PAXBP1: variants seen among roughly 807,000 people sequenced by gnomAD.
The protein encoded by PAXBP1 is PAX3- and PAX7-binding protein 1.
Under a neutral mutation model 119.9 loss-of-function variants are expected in PAXBP1, and 44 were observed. That is an observed-to-expected ratio of 0.37 (90% CI 0.29 to 0.47). The LOEUF is 0.47. Ranked by LOEUF, PAXBP1 falls within the 20% of genes least tolerant of loss-of-function variation. PAXBP1 has a pLI of 0.99. For missense variants in PAXBP1, 898 were observed against 1,134.1 expected (o/e 0.79, Z 2.99); for synonymous variants, 393 against 406.6 (o/e 0.97, Z 0.40).
intron 15 of PAXBP1, among the ~76,000 whole-genome samples, chr21:32,739,799 G>A (rs968279892): frequency 2.6e-5 from 4 of 151,674 alleles, no homozygotes; most frequent in Non-Finnish European, 4.4e-5. Flanking sequence ...CCAGCTACTC[G>A]GAAGGCTGAG....
chr21:32,764,406 C>G lies in PAXBP1; in HGVS notation c.591G>C (p.Lys197Asn). The G allele has an allele frequency of 6.2e-7, 1 of 1,613,840 alleles. No homozygotes were observed. Among genetic ancestry groups the G allele is most frequent in the Non-Finnish European group, 8.5e-7 (1 of 1,179,884 alleles). The change falls in exon 3 of 18, where the codon AAG becomes AAC. Residue 197 changes from lysine to asparagine, a missense_variant. Physicochemically the swap from Lys to Asn is moderately conservative, Grantham distance 94. This residue lies in a region of PAXBP1 where 299 missense variants were observed against 281.4 expected (regional missense o/e 1.06). Coordinates refer to ENST00000331923, the MANE Select transcript of PAXBP1 (RefSeq NM_016631.4). ...TTGAAAAAGCTCCACCAGTCTTTGGCTTTTCTTCCTCTTTTTCACTTTCCA... is the reference window on the plus strand; with the variant it reads ...TTGAAAAAGCTCCACCAGTCTTTGGGTTTTCTTCCTCTTTTTCACTTTCCA... Reference protein sequence around the residue: ...MDMESEKEEEKPKTGGAFSNA... With the variant: ...MDMESEKEEENPKTGGAFSNA...
At position 32,771,751 on chromosome 21, in the gene PAXBP1, T is replaced by C. The variant is rs2044364382; in HGVS notation, c.-83A>G. 1 of 1,197,126 alleles carries C rather than the reference T, an allele frequency of 8.4e-7. No homozygotes were observed. The highest frequency in any genetic ancestry group is 4.2e-5 in the Admixed American group (1 of 23,920). 74.2% of individuals were successfully genotyped at this position (1,197,126 alleles called of 1,614,324 possible). On this transcript the variant is annotated 5_prime_UTR_variant, in exon 1 of 18. Transcript: ENST00000331923. ...CGAGCTCGTGACGGCGCACGCGCGC[T>C]CTCCGGAGCTCCAGCCGGGTCGAGT... is the stretch of plus-strand genomic sequence containing the variant.
At chr21:32,751,324 G>T in intron 8 of PAXBP1, 106 bp from the exon 9 acceptor site, 1 of 918,806 alleles carries the variant, frequency 1.1e-6, no homozygotes. Flanking sequence ...AATCTCAACG[G>T]CAAGATTCTG....
Position 32,760,898 on chromosome 21 carries a change from CGTGCGTGTGTGT to C in PAXBP1, c.975+149_975+160del, listed in dbSNP as rs1181545099. The stretch of plus-strand genomic sequence containing the variant: ...AAGCCTACGTGTCTCTGTGTGCGTG[CGTGCGTGTGTGT>C]GTGTGTGTGTGTGTGTGTGTGTGTC... On this transcript the variant is annotated intron_variant, in intron 5 of 17. Coordinates refer to ENST00000331923, the MANE Select transcript of PAXBP1 (RefSeq NM_016631.4). Among the ~76,000 whole-genome samples, 341 of 121,594 alleles carry C rather than the reference CGTGCGTGTGTGT, an allele frequency of 2.8e-3. 5 individuals carry two copies. The highest frequency in any genetic ancestry group is 0.024 in the South Asian group (87 of 3,558). 79.8% of individuals were successfully genotyped at this position (121,594 alleles called of 152,430 possible).
In PAXBP1 at chr21:32,771,683, C is replaced by G. The variant is rs1299724477; in HGVS notation, c.-15G>C. 1 of 1,390,752 alleles carries G rather than the reference C, an allele frequency of 7.2e-7. No homozygotes were observed. The highest frequency in any genetic ancestry group is 3.5e-5 in the Admixed American group (1 of 28,468). The allele number at this position is 1,390,752 out of a possible 1,614,324, so 86.2% of individuals were successfully genotyped here. A position where few individuals can be genotyped will look rare whatever the true frequency, so the allele number is the denominator to read the frequency against. On this transcript the variant is annotated 5_prime_UTR_variant, in exon 1 of 18. Transcript: ENST00000331923. ...TTTCGGAACATCCCCGCGGCCCGCACGGCGGTCGAATACTCGCTTCCACAC... is the reference window on the plus strand; with the variant it reads ...TTTCGGAACATCCCCGCGGCCCGCAGGGCGGTCGAATACTCGCTTCCACAC...
Position 32,771,653 on chromosome 21 carries a change from G to C in PAXBP1, c.16C>G (p.Arg6Gly). The change falls in exon 1 of 18, where the codon CGG (arginine) becomes GGG (glycine). Residue 6 changes from arginine to glycine, a missense_variant. By Grantham distance (125) the Arg-to-Gly change is moderately radical. Transcript: ENST00000331923. MFRKA[R>G]RVNVRKRNDS... ...TTCCGCTTGCGCACGTTCACCCGCCGGGCCTTTCGGAACATCCCCGCGGCC... is the reference window on the plus strand; with the variant it reads ...TTCCGCTTGCGCACGTTCACCCGCCCGGCCTTTCGGAACATCCCCGCGGCC... The C allele has an allele frequency of 7.0e-7, 1 of 1,426,962 alleles. No individual in the cohort carries two copies. The highest frequency in any genetic ancestry group is 9.2e-7 in the Non-Finnish European group (1 of 1,092,788). The allele number at this position is 1,426,962 out of a possible 1,614,324, so 88.4% of individuals were successfully genotyped here.
chr21:32,764,729 A>C (rs889843442), intron 2 of PAXBP1, among the ~76,000 whole-genome samples: 1 of 152,202 alleles, frequency 6.6e-6, no homozygotes, highest in Non-Finnish European at 1.5e-5. Flanking sequence ...GAAACAGCAT[A>C]ACAGACAGGA....
chr21:32,748,652 T>C lies in PAXBP1; in HGVS notation c.1770A>G (p.Glu590=). ...ESGKVFEDVL[E]SFYSIDCIKS... ...TAATACAGTCAATTGAATAGAAACT[T>C]TCAAGGACATCTTCAAAAACTTTGC... Residue 590 remains glutamate, a synonymous_variant, in exon 11 of 18, where the codon GAA becomes GAG. Transcript: ENST00000331923. 6.2e-7 allele frequency: 1 copy of C among 1,613,090 alleles called. No individual in the cohort carries two copies. Among genetic ancestry groups the C allele is most frequent in the African/African-American group, 1.3e-5 (1 of 75,004 alleles).
rs368292485 is a variant in PAXBP1 at position 32,766,311 on chromosome 21, G to A, written c.473-1787C>T. Among the ~76,000 whole-genome samples, 7 of 152,228 alleles carry A rather than the reference G, an allele frequency of 4.6e-5. No individual in the cohort carries two copies. The South Asian group carries it at 8.3e-4, about 18-fold the overall frequency. On this transcript the variant is annotated intron_variant, in intron 2 of 17. Coordinates refer to ENST00000331923, the MANE Select transcript of PAXBP1 (RefSeq NM_016631.4). ...GCTTATGATTGAGCAAACACAAGCC[G>A]AAAGCATGGTGATATGTGAATGTCA...
intron 11 of PAXBP1, 133 bp downstream of exon 11, chr21:32,748,366 A>C: frequency 1.5e-6 from 1 of 675,046 alleles, no homozygotes; most frequent in Admixed American, 3.4e-5. Context: ...AACCAGATAC[A>C]ATCTATCAAT....
At chr21:32,760,038 T>C (rs1226137587) in intron 5 of PAXBP1, 44 bp from the exon 6 acceptor site, 2 of 1,488,146 alleles carry the variant, frequency 1.3e-6, no homozygotes, top group Non-Finnish European at 1.8e-6. Flanking sequence ...TAGTTAAAAC[T>C]TTGAAAATAA....
intron 10 of PAXBP1, among the ~76,000 whole-genome samples, chr21:32,749,360 A>G (rs1366364658): frequency 1.3e-5 from 2 of 151,800 alleles, no homozygotes; most frequent in Non-Finnish European, 2.9e-5. Context: ...ATGCCCAACT[A>G]ATTTTTGTAT....
chr21:32,745,006 T>C (rs954788929), intron 12 of PAXBP1, 93 bp from the exon 13 acceptor site: 5 of 1,316,736 alleles, frequency 3.8e-6, no homozygotes, highest in Non-Finnish European at 5.3e-6. Context: ...TCCTAATTTA[T>C]TTTTCCTCTT....
At chr21:32,738,479 GT>G in intron 15 of PAXBP1, 160 bp from the exon 16 acceptor site, 1 of 626,854 alleles carries the variant, frequency 1.6e-6, no homozygotes. Flanking sequence ...TCCTAGAATG[GT>G]TACATTTGAA....
intron 5 of PAXBP1, among the ~76,000 whole-genome samples, chr21:32,760,450 A>G (rs187803408): frequency 7.4e-4 from 112 of 152,272 alleles, no homozygotes; most frequent in Middle Eastern, 3.4e-3. Context: ...CGTTTATGCA[A>G]TTTTTCTCAC....
chr21:32,745,164 T>C (rs2043854597), intron 12 of PAXBP1, among the ~76,000 whole-genome samples: 1 of 152,226 alleles, frequency 6.6e-6, no homozygotes, highest in South Asian at 2.1e-4. Flanking sequence ...GTAGAAATGT[T>C]GTCTTGGCAT....
At chr21:32,750,795 TA>T (rs2043945917) in intron 10 of PAXBP1, 121 bp downstream of exon 10, 2 of 703,396 alleles carry the variant, frequency 2.8e-6, no homozygotes, top group African/African-American at 1.8e-5. Flanking sequence ...TTTCTGCAAT[TA>T]AAAAAGAAGT....
chr21:32,765,382 A>T lies in PAXBP1; in HGVS notation c.473-858T>A, dbSNP rs2044223606. 2.0e-5 allele frequency among the ~76,000 whole-genome samples: 3 copies of T among 152,176 alleles called. No homozygotes were observed. In the South Asian group the frequency reaches 6.2e-4, roughly 32 times the overall value. On this transcript the variant is annotated intron_variant, in intron 2 of 17. Coordinates refer to ENST00000331923, the MANE Select transcript of PAXBP1 (RefSeq NM_016631.4). The stretch of plus-strand genomic sequence containing the variant: ...TCTTAATGATAAACTGTCCTGGTTT[A>T]CATTACTTACAATTAAATAATCCTA...
chr21:32,763,994 CA>C (rs5843566), intron 3 of PAXBP1, among the ~76,000 whole-genome samples: 48,682 of 101,854 alleles, frequency 0.48, 7,663 homozygotes, highest in Middle Eastern at 0.5. Flanking sequence ...CCTCAAAAAG[CA>C]AAAAAAAAAA....
Sources: gnomAD v4.1 joint callset for allele counts (sites outside exome capture counted in the v4.1 genomes callset) on GRCh38, gnomAD v4.1.1 for gene constraint, gnomAD v4.1.1 regional missense constraint, MANE v1.5 for transcripts, NCBI Gene and HGNC (gene_info 2026-07-23, HGNC 2026-07-21) for gene names.